The following FOXP1 variants were observed in gnomAD, a reference collection of about 807,000 sequenced individuals.
FOXP1 encodes the protein forkhead box protein P1.
In FOXP1, 15 loss-of-function variants were observed where a neutral mutation model predicts 98.2. That is an observed-to-expected ratio of 0.15 (90% confidence interval 0.10 to 0.24). The LOEUF is 0.24. Ranked by LOEUF, FOXP1 falls within the 10% of genes least tolerant of loss-of-function variation. The pLI, the probability that FOXP1 is intolerant of heterozygous loss-of-function variation, is 1.00. For synonymous variants in FOXP1, 371 were observed against 314.5 expected (o/e 1.18, Z -1.90); for missense variants, 633 against 848.5 (o/e 0.75, Z 3.15).
At chr3:71,256,858 C>G (rs1161746716) in intron 5 of FOXP1, among the ~76,000 whole-genome samples, 1 of 152,130 alleles carries the variant, frequency 6.6e-6, no homozygotes, top group East Asian at 1.9e-4. Context: ...TTGAGGAGTA[C>G]TGATTTTAGC....
chr3:71,251,379 A>T (rs184508158), intron 5 of FOXP1, among the ~76,000 whole-genome samples: 52 of 152,324 alleles, frequency 3.4e-4, no homozygotes, highest in Non-Finnish European at 6.9e-4. Context: ...ATTCAGGTGA[A>T]GCTTTCCACT....
chr3:71,377,697 T>C (rs893201544), intron 3 of FOXP1, among the ~76,000 whole-genome samples: 1 of 152,248 alleles, frequency 6.6e-6, no homozygotes, highest in African/African-American at 2.4e-5. Context: ...TCTTGGTTCA[T>C]GTTGATACTG....
chr3:71,042,394 T>A (rs753048290), intron 10 of FOXP1, among the ~76,000 whole-genome samples: 2 of 152,158 alleles, frequency 1.3e-5, no homozygotes, highest in Non-Finnish European at 2.9e-5. Context: ...ATTGTGGGCC[T>A]CTTCGTCTTT....
At chr3:71,480,562 A>C (rs947220816) in intron 3 of FOXP1, among the ~76,000 whole-genome samples, 2 of 152,240 alleles carry the variant, frequency 1.3e-5, no homozygotes, top group African/African-American at 4.8e-5. Context: ...AAATGTGGAC[A>C]CATCAATAAA....
At chr3:71,426,800 C>T (rs942639309) in intron 3 of FOXP1, among the ~76,000 whole-genome samples, 5 of 152,176 alleles carry the variant, frequency 3.3e-5, no homozygotes, top group South Asian at 2.1e-4. Flanking sequence ...CGGTGGCTCA[C>T]GCCTGTAATC....
chr3:71,216,390 A>G (rs2064930111), intron 5 of FOXP1, among the ~76,000 whole-genome samples: 1 of 151,086 alleles, frequency 6.6e-6, no homozygotes, highest in African/African-American at 2.4e-5. Flanking sequence ...TGATGGGAGA[A>G]TTCTGACCTC....
chr3:71,348,564 C>CGG (rs2077558875), intron 4 of FOXP1, among the ~76,000 whole-genome samples: 1 of 140,840 alleles, frequency 7.1e-6, no homozygotes, highest in African/African-American at 2.6e-5. Context: ...CGCGCGCGCA[C>CGG]GCATATGCAT....
chr3:71,039,347 T>A (rs2048026059), intron 11 of FOXP1, among the ~76,000 whole-genome samples: 1 of 152,146 alleles, frequency 6.6e-6, no homozygotes, highest in Non-Finnish European at 1.5e-5. Context: ...ACAAACTTAG[T>A]CTCCCAGAAT....
At chr3:71,079,131 C>G (rs1358755984) in intron 7 of FOXP1, among the ~76,000 whole-genome samples, 3 of 152,210 alleles carry the variant, frequency 2.0e-5, no homozygotes, top group Admixed American at 1.3e-4. Context: ...TGCCCCTGCG[C>G]CCCTCCAAAT....
chr3:71,110,941 A>AG (rs2057868284), intron 7 of FOXP1, among the ~76,000 whole-genome samples: 1 of 152,232 alleles, frequency 6.6e-6, no homozygotes, highest in African/African-American at 2.4e-5. Context: ...TGGTTTACCA[A>AG]ATAAGTGTTT....
chr3:71,545,575 CATT>C (rs1183157514), intron 2 of FOXP1, among the ~76,000 whole-genome samples: 1 of 152,138 alleles, frequency 6.6e-6, no homozygotes, highest in Non-Finnish European at 1.5e-5. Context: ...TCTTCTAGAA[CATT>C]ATATGCTCCT....
intron 7 of FOXP1, among the ~76,000 whole-genome samples, chr3:71,056,678 G>A (rs1167202240): frequency 2.0e-5 from 3 of 152,108 alleles, no homozygotes; most frequent in African/African-American, 4.8e-5. Flanking sequence ...CCTCCAAAGT[G>A]GGCTCCAGCT....
chr3:71,444,284 C>A (rs528451870), intron 3 of FOXP1, among the ~76,000 whole-genome samples: 2 of 152,072 alleles, frequency 1.3e-5, no homozygotes, highest in African/African-American at 4.8e-5. Context: ...GGCCCTCCTA[C>A]AAAGGTGCAC....
At chr3:71,563,386 T>C (rs1206561988) in intron 2 of FOXP1, among the ~76,000 whole-genome samples, 1 of 152,152 alleles carries the variant, frequency 6.6e-6, no homozygotes, top group Non-Finnish European at 1.5e-5. Context: ...ACTCAATGCA[T>C]GTCTAAGGGC....
intron 7 of FOXP1, among the ~76,000 whole-genome samples, chr3:71,084,975 A>G (rs181472672): frequency 1.3e-5 from 2 of 152,154 alleles, no homozygotes; most frequent in Non-Finnish European, 2.9e-5. Flanking sequence ...AAACAAATCA[A>G]TCAATCAATC....
chr3:71,471,669 GA>G (rs569085192), intron 3 of FOXP1, among the ~76,000 whole-genome samples: 144 of 150,348 alleles, frequency 9.6e-4, no homozygotes, highest in Non-Finnish European at 1.8e-3. Context: ...TGATAGAAAA[GA>G]AAAAAAAAGG....
At chr3:71,253,714 G>A (rs940253198) in intron 5 of FOXP1, among the ~76,000 whole-genome samples, 1 of 152,084 alleles carries the variant, frequency 6.6e-6, no homozygotes, top group Non-Finnish European at 1.5e-5. Flanking sequence ...AATGGTACTG[G>A]ACTTGGTGTT....
intron 7 of FOXP1, among the ~76,000 whole-genome samples, chr3:71,086,403 C>T (rs1349566672): frequency 6.6e-6 from 1 of 152,190 alleles, no homozygotes; most frequent in East Asian, 1.9e-4. Context: ...GGGATCTTCT[C>T]TCGTTCTTGC....
chr3:71,227,057 C>T (rs1378686804), intron 5 of FOXP1, among the ~76,000 whole-genome samples: 1 of 152,108 alleles, frequency 6.6e-6, no homozygotes, highest in Non-Finnish European at 1.5e-5. Context: ...CATGAGAAGG[C>T]TGGTGCGGTT....
Sources: gnomAD v4.1 joint callset for allele counts (sites outside exome capture counted in the v4.1 genomes callset) on GRCh38, gnomAD v4.1.1 for gene constraint, MANE v1.5 for transcripts, NCBI Gene and HGNC (gene_info 2026-07-23, HGNC 2026-07-21) for gene names.